GPC5: variants seen among roughly 807,000 people sequenced by gnomAD.
GPC5 encodes the protein glypican-5.
GPC5 carries 47 observed loss-of-function variants against 53.9 expected under a neutral mutation model. The observed-to-expected ratio is 0.87, with a 90% CI of 0.69 to 1.11. The LOEUF is 1.11. Among genes scored for constraint, GPC5 ranks in the 50% most tolerant of loss-of-function variants. The pLI is 0.00. For missense variants in GPC5, 748 were observed against 713.1 expected (o/e 1.05, Z -0.56); for synonymous variants, 286 against 263.3 (o/e 1.09, Z -0.84).
chr13:92,847,234 A>T (rs953609917), intron 7 of GPC5, among the ~76,000 whole-genome samples: 1 of 152,170 alleles, frequency 6.6e-6, no homozygotes, highest in Non-Finnish European at 1.5e-5. Flanking sequence ...TCTGCTTTGC[A>T]AAGAGGTTCT....
chr13:92,744,815 T>C (rs1889201507), intron 7 of GPC5, among the ~76,000 whole-genome samples: 1 of 151,960 alleles, frequency 6.6e-6, no homozygotes, highest in South Asian at 2.1e-4. Flanking sequence ...AAATATAGTG[T>C]AAGTTTATAT....
intron 5 of GPC5, among the ~76,000 whole-genome samples, chr13:91,780,357 C>T (rs2037779323): frequency 6.6e-6 from 1 of 152,174 alleles, no homozygotes; most frequent in African/African-American, 2.4e-5. Flanking sequence ...ACCTACCTTA[C>T]AAGAACATTT....
intron 2 of GPC5, among the ~76,000 whole-genome samples, chr13:91,450,810 T>TG (rs1381803926): frequency 6.6e-6 from 1 of 152,112 alleles, no homozygotes. Flanking sequence ...CCTTAGTAGA[T>TG]GTCAAGTTTT....
chr13:92,189,476 C>T (rs2042207776), intron 7 of GPC5, among the ~76,000 whole-genome samples: 1 of 152,100 alleles, frequency 6.6e-6, no homozygotes, highest in African/African-American at 2.4e-5. Context: ...AAAAGACTGA[C>T]CCTAAATATT....
intron 7 of GPC5, among the ~76,000 whole-genome samples, chr13:92,589,341 T>G (rs1883643556): frequency 6.6e-6 from 1 of 152,208 alleles, no homozygotes; most frequent in Non-Finnish European, 1.5e-5. Flanking sequence ...GGAAGCATCA[T>G]GCATTTACTC....
chr13:91,613,775 T>C (rs937047484), intron 2 of GPC5, among the ~76,000 whole-genome samples: 1 of 152,148 alleles, frequency 6.6e-6, no homozygotes, highest in Non-Finnish European at 1.5e-5. Context: ...ATAGATGGAA[T>C]TGGAAAAATT....
chr13:92,471,286 G>A (rs779046490), intron 7 of GPC5, among the ~76,000 whole-genome samples: 2 of 151,854 alleles, frequency 1.3e-5, no homozygotes, highest in Non-Finnish European at 2.9e-5. Flanking sequence ...AAATATATCA[G>A]ACTCCCTCTA....
chr13:92,383,259 G>A (rs1323205542), intron 7 of GPC5, among the ~76,000 whole-genome samples: 2 of 152,060 alleles, frequency 1.3e-5, no homozygotes, highest in African/African-American at 4.8e-5. Flanking sequence ...AATTACCATG[G>A]TGTGTAACAG....
chr13:92,490,860 T>C (rs1158198570), intron 7 of GPC5, among the ~76,000 whole-genome samples: 1 of 152,134 alleles, frequency 6.6e-6, no homozygotes, highest in Non-Finnish European at 1.5e-5. Flanking sequence ...AAATCCAAGC[T>C]AATTATTGGA....
intron 6 of GPC5, among the ~76,000 whole-genome samples, chr13:92,014,136 C>T (rs967114648): frequency 6.6e-6 from 1 of 152,112 alleles, no homozygotes; most frequent in African/African-American, 2.4e-5. Flanking sequence ...TCTGACTTGC[C>T]TTTATCTACT....
At chr13:92,043,175 A>G (rs2040954997) in intron 6 of GPC5, among the ~76,000 whole-genome samples, 3 of 152,234 alleles carry the variant, frequency 2.0e-5, no homozygotes. Context: ...TACCAAAAGG[A>G]GAAAATAAAA....
intron 7 of GPC5, among the ~76,000 whole-genome samples, chr13:92,464,022 G>C (rs1393461917): frequency 6.6e-6 from 1 of 152,170 alleles, no homozygotes; most frequent in Non-Finnish European, 1.5e-5. Context: ...TAAGTGCTGT[G>C]TATATATCGT....
chr13:92,709,187 T>C (rs949372333), intron 7 of GPC5, among the ~76,000 whole-genome samples: 1 of 151,620 alleles, frequency 6.6e-6, no homozygotes, highest in Non-Finnish European at 1.5e-5. Context: ...GCTGGGATTA[T>C]AGGTGTGCGC....
chr13:91,608,003 A>T (rs944687273), intron 2 of GPC5, among the ~76,000 whole-genome samples: 1 of 152,240 alleles, frequency 6.6e-6, no homozygotes, highest in African/African-American at 2.4e-5. Flanking sequence ...CTCAAATAAT[A>T]TATTTATTGT....
chr13:91,978,355 C>G (rs2040326336), intron 6 of GPC5, among the ~76,000 whole-genome samples: 1 of 152,122 alleles, frequency 6.6e-6, no homozygotes, highest in Non-Finnish European at 1.5e-5. Context: ...TGAATGTTTC[C>G]TATGCACCTA....
At chr13:91,648,706 A>G (rs2034622354) in intron 2 of GPC5, among the ~76,000 whole-genome samples, 1 of 149,196 alleles carries the variant, frequency 6.7e-6, no homozygotes, top group South Asian at 2.1e-4. Flanking sequence ...ATACACATGC[A>G]TGCACACACA....
intron 6 of GPC5, among the ~76,000 whole-genome samples, chr13:91,923,682 A>G (rs2039739549): frequency 1.3e-5 from 2 of 152,202 alleles, no homozygotes; most frequent in South Asian, 4.1e-4. Flanking sequence ...ATGAGTCTGA[A>G]TAGGCATTTA....
intron 7 of GPC5, among the ~76,000 whole-genome samples, chr13:92,771,144 C>G (rs1875598082): frequency 6.6e-6 from 1 of 152,068 alleles, no homozygotes; most frequent in East Asian, 1.9e-4. Context: ...TCATTACAGC[C>G]TGTCAGGGAT....
chr13:92,380,744 T>C (rs2043732094), intron 7 of GPC5, among the ~76,000 whole-genome samples: 1 of 119,192 alleles, frequency 8.4e-6, no homozygotes, highest in Admixed American at 1.1e-4. Context: ...AACATCACAC[T>C]CTGGGGACTG....
Sources: gnomAD v4.1 joint callset for allele counts (sites outside exome capture counted in the v4.1 genomes callset) on GRCh38, gnomAD v4.1.1 for gene constraint, MANE v1.5 for transcripts, NCBI Gene and HGNC (gene_info 2026-07-23, HGNC 2026-07-21) for gene names.